The following NOL10 variants were observed in gnomAD, a reference collection of about 807,000 sequenced individuals.
The protein encoded by NOL10 is nucleolar protein 10.
A neutral mutation model predicts 103.5 loss-of-function variants in NOL10; 58 were observed. The observed-to-expected ratio is 0.56, with a 90% CI of 0.45 to 0.70. The LOEUF is 0.70. NOL10 is among the 30% of genes least tolerant of loss of function. The pLI, the probability that NOL10 is intolerant of heterozygous loss-of-function variation, is 0.00. For synonymous variants in NOL10, 287 were observed against 282.5 expected, an observed-to-expected ratio of 1.02 and a Z score of -0.16; for missense variants, 763 against 807.3, an observed-to-expected ratio of 0.95 and a Z score of 0.67.
chr2:10,685,819 A>G (rs577247885), intron 1 of NOL10, among the ~76,000 whole-genome samples: 98 of 150,576 alleles, frequency 6.5e-4, no homozygotes, highest in African/African-American at 2.2e-3. Flanking sequence ...CATATCTATA[A>G]TCCCAGCACT....
At chr2:10,621,937 C>CTT (rs1481859015) in intron 13 of NOL10, 3 of 400,216 alleles carry the variant, frequency 7.5e-6, no homozygotes, top group African/African-American at 6.3e-5. Flanking sequence ...ATAAGGCAGC[C>CTT]ACTAAGCCAC....
chr2:10,641,074 A>T (rs1473026126), intron 13 of NOL10, among the ~76,000 whole-genome samples: 1 of 151,456 alleles, frequency 6.6e-6, no homozygotes, highest in Non-Finnish European at 1.5e-5. Context: ...TAATCCCAGC[A>T]CTTCAGGAGG....
intron 17 of NOL10, among the ~76,000 whole-genome samples, chr2:10,593,593 C>T (rs1675511867): frequency 6.6e-6 from 1 of 151,994 alleles, no homozygotes; most frequent in Admixed American, 6.5e-5. Flanking sequence ...GGCATAAACC[C>T]TTAAGAAAAA....
rs374698106 is a variant in NOL10 at position 10,647,826 on chromosome 2, G to C, written c.974-3454C>G. On this transcript the variant is annotated intron_variant, in intron 12 of 20. Coordinates refer to ENST00000381685, the MANE Select transcript of NOL10 (RefSeq NM_024894.4). ...AGGCTATTTCACACTTATCAGTACA[G>C]GTAGTCTTCAACAGCCCTGTAAGGC... Among the ~76,000 whole-genome samples the C allele has an allele frequency of 2.0e-5, 3 of 152,354 alleles. No individual in the cohort carries two copies. The East Asian group carries it at 5.8e-4, about 29-fold the overall frequency.
At chr2:10,681,918 G>A (rs1475326330) in intron 3 of NOL10, 53 bp downstream of exon 3, 34 of 721,438 alleles carry the variant, frequency 4.7e-5, no homozygotes, top group Admixed American at 1.5e-4. Context: ...CTTTCCCATC[G>A]CAGCATTTCC....
intron 19 of NOL10, among the ~76,000 whole-genome samples, chr2:10,579,125 T>C (rs750665182): frequency 6.6e-6 from 1 of 152,232 alleles, no homozygotes; most frequent in Non-Finnish European, 1.5e-5. Flanking sequence ...GCTCACACCA[T>C]GTGAAATTTA....
In NOL10 at chr2:10,658,695, G is replaced by C. The variant is rs538338918; in HGVS notation, c.756+477C>G. 8.5e-5 allele frequency among the ~76,000 whole-genome samples: 13 copies of C among 152,302 alleles called. No homozygotes were observed. The South Asian group carries it at 1.2e-3, about 15-fold the overall frequency. On this transcript the variant is annotated intron_variant, in intron 10 of 20. Transcript: ENST00000381685. Reference sequence around the variant, plus strand: ...ATTGAAACCCACTGTCAATCTTCAAGAGTAAAAGTCTGGCAGACTCCCAAG... The same window carrying C: ...ATTGAAACCCACTGTCAATCTTCAACAGTAAAAGTCTGGCAGACTCCCAAG...
Position 10,673,593 on chromosome 2 carries a change from A to G in NOL10, c.290-36T>C, listed in dbSNP as rs762395946. ...AGAAATAGGAAAAATACAATTATCA[A>G]ACAATATTCTTAGTAACAACGCAAA... On this transcript the variant is annotated intron_variant, in intron 4 of 20. Transcript: ENST00000381685. The G allele has an allele frequency of 2.8e-6, 4 of 1,421,632 alleles. No individual in the cohort carries two copies. The South Asian group carries it at 5.0e-5, about 18-fold the overall frequency. The allele number at this position is 1,421,632 out of a possible 1,614,324, so 88.1% of individuals were successfully genotyped here.
rs981927998 is a variant in NOL10, at chr2:10,689,916, C to A, written c.-55G>T. 5 of 1,527,500 alleles carry A rather than the reference C, an allele frequency of 3.3e-6. No homozygotes were observed. The highest frequency in any genetic ancestry group is 1.2e-5 in the South Asian group (1 of 84,042). 94.6% of individuals were successfully genotyped at this position (1,527,500 alleles called of 1,614,324 possible). On this transcript the variant is annotated 5_prime_UTR_variant, in exon 1 of 21. Coordinates refer to ENST00000381685, the MANE Select transcript of NOL10 (RefSeq NM_024894.4). ...GTCCTTTCCCACCAGCGTGCTCGAG[C>A]ACCGTAATCCCGGGACCTCCGAGCC... is the stretch of plus-strand genomic sequence containing the variant.
intron 19 of NOL10, among the ~76,000 whole-genome samples, chr2:10,581,774 T>C (rs1572229033): frequency 6.6e-6 from 1 of 152,280 alleles, no homozygotes; most frequent in Non-Finnish European, 1.5e-5. Context: ...TGAACCATGA[T>C]TGCGCCTCTG....
intron 19 of NOL10, among the ~76,000 whole-genome samples, chr2:10,587,000 G>A (rs1332112916): frequency 6.9e-6 from 1 of 144,030 alleles, no homozygotes; most frequent in African/African-American, 2.6e-5. Context: ...TATGTGTTAG[G>A]TCTAGACTTT....
At chr2:10,610,380 T>C (rs957444084) in intron 13 of NOL10, among the ~76,000 whole-genome samples, 2 of 152,356 alleles carry the variant, frequency 1.3e-5, no homozygotes, top group South Asian at 2.1e-4. Context: ...GTGGTTTAAA[T>C]TGCCTGTCAG....
chr2:10,628,621 C>G (rs1447326706), intron 13 of NOL10, among the ~76,000 whole-genome samples: 1 of 151,992 alleles, frequency 6.6e-6, no homozygotes, highest in Non-Finnish European at 1.5e-5. Context: ...ATAAGCAAAC[C>G]TAAACTTGAA....
chr2:10,607,198 G>A lies in NOL10; in HGVS notation c.1140C>T (p.Asp380=). 9 of 1,558,530 alleles carry A rather than the reference G, an allele frequency of 5.8e-6. No individual in the cohort carries two copies. The highest frequency in any genetic ancestry group is 7.8e-6 in the Non-Finnish European group (9 of 1,150,742). ...YDDYKFVTKK[D]LENLGLTHLI... ...TTTTTTTTTTACCTAAATTTTCAAG[G>A]TCTTTCTTGGTGACAAATTTATAAT... The change falls in exon 14 of 21, where the codon GAC becomes GAT. Residue 380 remains aspartate (D), a synonymous_variant. Coordinates refer to ENST00000381685, the MANE Select transcript of NOL10 (RefSeq NM_024894.4).
Position 10,689,950 on chromosome 2 carries a change from G to C in NOL10, c.-89C>G. The stretch of plus-strand genomic sequence containing the variant: ...CCCGGGACCTCCGAGCCCCTGCTCC[G>C]CGGCGTGCGGCCGCTGGCGCCGACT... On this transcript the variant is annotated 5_prime_UTR_variant, in exon 1 of 21. Coordinates refer to ENST00000381685, the MANE Select transcript of NOL10 (RefSeq NM_024894.4). 4 of 1,261,694 alleles carry C rather than the reference G, an allele frequency of 3.2e-6. No homozygotes were observed. Among genetic ancestry groups the C allele is most frequent in the South Asian group, 1.4e-5 (1 of 74,018 alleles). The allele number at this position is 1,261,694 out of a possible 1,614,324, so 78.2% of individuals were successfully genotyped here.
chr2:10,612,114 C>T (rs1342953988), intron 13 of NOL10, among the ~76,000 whole-genome samples: 4 of 152,130 alleles, frequency 2.6e-5, no homozygotes. Flanking sequence ...CAGAGTGAGA[C>T]CCTGTCTCTA....
intron 1 of NOL10, among the ~76,000 whole-genome samples, chr2:10,688,564 TC>T (rs1304405345): frequency 6.6e-6 from 1 of 152,232 alleles, no homozygotes; most frequent in African/African-American, 2.4e-5. Context: ...AGAGAGGCCT[TC>T]CCCGAAGGTT....
intron 17 of NOL10, among the ~76,000 whole-genome samples, chr2:10,595,551 G>A (rs1182306647): frequency 7.2e-5 from 11 of 151,726 alleles, no homozygotes; most frequent in Admixed American, 7.2e-4. Context: ...CCCTGCCTTG[G>A]CCTCCCAAAA....
intron 13 of NOL10, among the ~76,000 whole-genome samples, chr2:10,615,701 G>A (rs1676798556): frequency 6.6e-6 from 1 of 152,206 alleles, no homozygotes; most frequent in South Asian, 2.1e-4. Context: ...GAGGTGAACA[G>A]CAAAGAGAAA....
Sources: gnomAD v4.1 joint callset for allele counts (sites outside exome capture counted in the v4.1 genomes callset) on GRCh38, gnomAD v4.1.1 for gene constraint, MANE v1.5 for transcripts, NCBI Gene and HGNC (gene_info 2026-07-23, HGNC 2026-07-21) for gene names.